Variants in ANKRD26 observed in about 807,000 individuals in gnomAD.
ANKRD26 encodes ankyrin repeat domain 26.
A neutral mutation model predicts 208.7 loss-of-function variants in ANKRD26; 141 were observed. The observed-to-expected ratio is 0.68, with a 90% CI of 0.59 to 0.78. The LOEUF (loss-of-function observed/expected upper bound fraction) is 0.78. Ranked by LOEUF, ANKRD26 falls within the 30% of genes least tolerant of loss-of-function variation. The pLI is 0.00. For synonymous variants in ANKRD26, 636 were observed against 660.4 expected, an observed-to-expected ratio of 0.96 and a Z score of 0.57; for missense variants, 1,889 against 1,938.7, an observed-to-expected ratio of 0.97 and a Z score of 0.48.
At chr10:27,097,472 A>G (rs1047946029) in intron 1 of ANKRD26, among the ~76,000 whole-genome samples, 1 of 152,150 alleles carries the variant, frequency 6.6e-6, no homozygotes, top group African/African-American at 2.4e-5. Flanking sequence ...AGAAAAAAAG[A>G]AAAAAGAGAT....
chr10:26,991,052 GGA>G (rs1229675761), downstream of ANKRD26, among the ~76,000 whole-genome samples: 1 of 152,132 alleles, frequency 6.6e-6, no homozygotes, highest in African/African-American at 2.4e-5. Context: ...CCCAGGAAAA[GGA>G]GTTTGTTTTT....
chr10:27,080,520 C>T, intron 6 of ANKRD26: 4 of 560,086 alleles, frequency 7.1e-6, no homozygotes, highest in Non-Finnish European at 9.1e-6. Flanking sequence ...AACTAGCAAG[C>T]CCTTAAAAAT....
At chr10:26,960,892 C>T in the ANKRD26 span, among the ~76,000 whole-genome samples, 1 of 152,148 alleles carries the variant, frequency 6.6e-6, no homozygotes, top group Non-Finnish European at 1.5e-5. Flanking sequence ...AATCCTATGA[C>T]TTTCATCCTC....
At chr10:26,974,412 C>T (rs909985176) in exon 6 of ANKRD26, among the ~76,000 whole-genome samples, 7 of 150,758 alleles carry the variant, frequency 4.6e-5, no homozygotes, top group African/African-American at 1.7e-4. Context: ...GCAATCTCAG[C>T]TCACTGCAAG....
intron 9 of ANKRD26, among the ~76,000 whole-genome samples, chr10:27,068,631 C>G (rs2135507956): frequency 6.6e-6 from 1 of 152,162 alleles, no homozygotes; most frequent in South Asian, 2.1e-4. Context: ...GCCAAACCAC[C>G]AAGGACCTGT....
intron 9 of ANKRD26, among the ~76,000 whole-genome samples, chr10:27,068,235 A>G (rs1854646): frequency 0.12 from 18,053 of 152,140 alleles, 1,523 homozygotes; most frequent in East Asian, 0.28. Flanking sequence ...TAGTGAGTGA[A>G]TTCTCATGAG....
intron 6 of ANKRD26, among the ~76,000 whole-genome samples, chr10:27,081,151 T>C (rs1180972417): frequency 6.6e-6 from 1 of 152,184 alleles, no homozygotes; most frequent in African/African-American, 2.4e-5. Context: ...TTCCTCCAAT[T>C]ATATAAAAAA....
At chr10:26,983,749 C>A (rs770245068) in intron 3 of ANKRD26, among the ~76,000 whole-genome samples, 2 of 152,204 alleles carry the variant, frequency 1.3e-5, no homozygotes, top group African/African-American at 2.4e-5. Flanking sequence ...TGCTAGTGAG[C>A]TGGTCCTTTC....
Position 27,037,936 on chromosome 10 carries a change from G to A in ANKRD26, c.2494C>T (p.Gln832Ter), listed in dbSNP as rs1310104165. 4 of 1,613,258 alleles carry A rather than the reference G, an allele frequency of 2.5e-6. No individual in the cohort carries two copies. The highest frequency in any genetic ancestry group is 2.5e-6 in the Non-Finnish European group (3 of 1,179,748). ...AGTGTTTGGAGACTCAGTTCAAGCTGTTGTTTCACTTCAACTTCTTTCCTA... is the reference window on the plus strand; with the variant it reads ...AGTGTTTGGAGACTCAGTTCAAGCTATTGTTTCACTTCAACTTCTTTCCTA... ...QYRKEVEVKQ[Q>*]LELSLQTLEM... The change falls in exon 22 of 34, where the codon CAG becomes TAG. Residue 832 changes from glutamine to a stop codon, truncating the protein, a stop_gained. Transcript: ENST00000376087. LOFTEE classifies it high-confidence loss of function.
At chr10:26,987,988 A>G (rs1216263437), downstream of ANKRD26, among the ~76,000 whole-genome samples, 1 of 152,106 alleles carries the variant, frequency 6.6e-6, no homozygotes, top group Non-Finnish European at 1.5e-5. Context: ...CCGTTTCTCC[A>G]CTTTTGTGTA....
At chr10:27,056,946 G>A (rs764965456) in intron 15 of ANKRD26, among the ~76,000 whole-genome samples, 66 of 152,088 alleles carry the variant, frequency 4.3e-4, no homozygotes, top group Non-Finnish European at 3.4e-4. Flanking sequence ...TAGAAACTAA[G>A]CTCCAATAGT....
rs749308690 is a variant in ANKRD26, at chr10:27,100,248, C to G, written c.79G>C (p.Gly27Arg). ...ARRQRSSAGG[G>R]GEPGEGAYSQ... ...TAGGCGCCCTCCCCCGGCTCGCCCC[C>G]GCCTCCCGCGCTGCTCCTCTGCCGC... The change falls in exon 1 of 34, where the codon GGG becomes CGG. Residue 27 changes from glycine to arginine, a missense_variant. By Grantham distance (125) the Gly-to-Arg change is moderately radical. This residue lies in a region of ANKRD26 where 1,272 missense variants were observed against 1,273.8 expected (regional missense o/e 1.00). Transcript: ENST00000376087. 6 of 1,611,426 alleles carry G rather than the reference C, an allele frequency of 3.7e-6. No individual in the cohort carries two copies. In the South Asian group the frequency reaches 6.6e-5, roughly 18 times the overall value.
At chr10:27,072,009 C>T (rs1238783370) in intron 9 of ANKRD26, among the ~76,000 whole-genome samples, 4 of 152,202 alleles carry the variant, frequency 2.6e-5, no homozygotes, top group Admixed American at 6.5e-5. Flanking sequence ...AGAGAAGCTC[C>T]CAAATGAGAG....
chr10:27,028,640 G>C (rs1239315270), intron 27 of ANKRD26, among the ~76,000 whole-genome samples: 1 of 148,688 alleles, frequency 6.7e-6, no homozygotes, highest in Admixed American at 6.7e-5. Context: ...ACATATATAA[G>C]GTATATATGA....
At chr10:27,062,757 ACTTT>A (rs199892298) in intron 12 of ANKRD26, among the ~76,000 whole-genome samples, 17 of 148,794 alleles carry the variant, frequency 1.1e-4, no homozygotes, top group South Asian at 2.1e-4. Context: ...ATGAAGTAAC[ACTTT>A]CTTTCTTTCT....
intron 30 of ANKRD26, among the ~76,000 whole-genome samples, chr10:27,017,272 G>C (rs536316721): frequency 9.9e-5 from 15 of 152,148 alleles, no homozygotes; most frequent in Non-Finnish European, 1.3e-4. Flanking sequence ...TATGCCAACT[G>C]GTCTTAATAG....
At chr10:27,039,379 G>C (rs186814340) in intron 21 of ANKRD26, among the ~76,000 whole-genome samples, 1 of 152,000 alleles carries the variant, frequency 6.6e-6, no homozygotes, top group African/African-American at 2.4e-5. Context: ...GCTTAAACCT[G>C]GGAGGCGGAG....
intron 15 of ANKRD26, among the ~76,000 whole-genome samples, chr10:27,057,896 C>T (rs2054896891): frequency 6.7e-6 from 1 of 150,168 alleles, no homozygotes; most frequent in South Asian, 2.1e-4. Flanking sequence ...GAGATCGTGC[C>T]ACCGCACTCC....
the ANKRD26 span, among the ~76,000 whole-genome samples, chr10:26,962,988 G>A: frequency 6.6e-6 from 1 of 152,096 alleles, no homozygotes; most frequent in Non-Finnish European, 1.5e-5. Flanking sequence ...AACTCTTGCT[G>A]CAACCCTACT....
Sources: allele counts gnomAD v4.1 joint callset (sites outside exome capture counted in the v4.1 genomes callset), GRCh38; gene constraint gnomAD v4.1.1; regional missense constraint gnomAD v4.1.1; transcripts MANE v1.5; gene names NCBI Gene and HGNC (gene_info 2026-07-23, HGNC 2026-07-21).